GAS2L3: variants seen among roughly 807,000 people sequenced by gnomAD.
GAS2L3 encodes growth arrest specific 2 like 3, also known as GAS2-like protein 3.
Under a neutral mutation model 37.0 loss-of-function variants are expected in GAS2L3, and 28 were observed. That is an observed-to-expected ratio of 0.76 (90% CI 0.56 to 1.04). GAS2L3 has a LOEUF of 1.04. GAS2L3 is among the 50% of genes least tolerant of loss of function. The pLI, the probability that GAS2L3 is intolerant of heterozygous loss-of-function variation, is 0.00. For synonymous variants in GAS2L3, 290 were observed against 296.6 expected, an observed-to-expected ratio of 0.98 and a Z score of 0.23; for missense variants, 793 against 817.6, an observed-to-expected ratio of 0.97 and a Z score of 0.37.
At chr12:100,596,486 T>C (rs570644482) in intron 3 of GAS2L3, among the ~76,000 whole-genome samples, 92 of 152,168 alleles carry the variant, frequency 6.0e-4, no homozygotes, top group African/African-American at 2.1e-3. Context: ...GATTTTTTTT[T>C]CCAAGACTAT....
At position 100,625,182 on chromosome 12, in the gene GAS2L3, TAA is replaced by T. The variant is rs1275609717; in HGVS notation, c.*295_*296del. On this transcript the variant is annotated 3_prime_UTR_variant, in exon 10 of 10. Transcript: ENST00000547754. ...TAACATCTGCCTTTTGCAGGAAATG[TAA>T]AAGTTATTTAACACTACAAGAATTT... 1 of 231,228 alleles carries T rather than the reference TAA, an allele frequency of 4.3e-6. No individual in the cohort carries two copies. The highest frequency in any genetic ancestry group is 5.0e-5 in the Admixed American group (1 of 20,182). 14.3% of individuals were successfully genotyped at this position (231,228 alleles called of 1,614,324 possible). A position where few individuals can be genotyped will look rare whatever the true frequency, so the allele number is the denominator to read the frequency against.
intron 5 of GAS2L3, among the ~76,000 whole-genome samples, chr12:100,607,749 T>A (rs1355834652): frequency 6.6e-6 from 1 of 152,090 alleles, no homozygotes; most frequent in Non-Finnish European, 1.5e-5. Flanking sequence ...ATTTCTCAAC[T>A]CTAGAATTTC....
chr12:100,622,519 C>T (rs528996868), intron 9 of GAS2L3, 137 bp downstream of exon 9: 1 of 517,354 alleles, frequency 1.9e-6, no homozygotes, highest in South Asian at 2.6e-5. Flanking sequence ...TTTCACTGTA[C>T]AGGGAAAATG....
At chr12:100,576,656 A>G (rs993372029) in intron 1 of GAS2L3, among the ~76,000 whole-genome samples, 3 of 152,192 alleles carry the variant, frequency 2.0e-5, no homozygotes, top group African/African-American at 7.2e-5. Flanking sequence ...AGTAATGTTT[A>G]TGAGATACAG....
rs1238882767 is a variant in GAS2L3 at position 100,622,765 on chromosome 12, A to G, written c.756+383A>G. Among the ~76,000 whole-genome samples the G allele has an allele frequency of 3.5e-5, 5 of 141,890 alleles. No individual in the cohort carries two copies. In the East Asian group the frequency reaches 9.8e-4, roughly 28 times the overall value. 93.1% of individuals were successfully genotyped at this position (141,890 alleles called of 152,430 possible). ...TATCCATAGTAAAAAAAAAAAAAAA[A>G]AAAAAAAAAAAAAAAAAGAAAAGAA... On this transcript the variant is annotated intron_variant, in intron 9 of 9. Transcript: ENST00000547754.
At position 100,594,899 on chromosome 12, in the gene GAS2L3, G is replaced by T; in HGVS notation, c.-6G>T. The T allele has an allele frequency of 7.4e-7, 1 of 1,345,970 alleles. No homozygotes were observed. The highest frequency in any genetic ancestry group is 1.0e-6 in the Non-Finnish European group (1 of 992,008). 83.4% of individuals were successfully genotyped at this position (1,345,970 alleles called of 1,614,324 possible). ...GAAAAGAAATTTCATTTCAATATAG[G>T]TGACTATGCAGCCTGCAATTCAAGT... On this transcript the variant is annotated 5_prime_UTR_variant, in exon 3 of 10. Transcript: ENST00000547754.
In GAS2L3 at chr12:100,624,036, C is replaced by T; in HGVS notation, c.1231C>T (p.Pro411Ser). The change falls in exon 10 of 10, where the codon CCA becomes TCA. Residue 411 changes from proline (P) to serine (S), a missense_variant. Physicochemically the swap from Pro to Ser is moderately conservative, Grantham distance 74. Transcript: ENST00000547754. ...NASSSLASLN[P>S]VGKNTSSPAL... is the part of the protein sequence containing the mutation. ...ATCATCTTCACTTGCTTCATTAAAT[C>T]CAGTAGGTAAAAACACTTCTTCACC... 1 of 1,614,062 alleles carries T rather than the reference C, an allele frequency of 6.2e-7. No homozygotes were observed. The highest frequency in any genetic ancestry group is 1.3e-5 in the African/African-American group (1 of 75,002).
At chr12:100,593,149 C>T (rs1955866806) in intron 2 of GAS2L3, among the ~76,000 whole-genome samples, 2 of 152,030 alleles carry the variant, frequency 1.3e-5, no homozygotes, top group South Asian at 2.1e-4. Context: ...AAGACTGGCT[C>T]TTAGTATCTG....
intron 6 of GAS2L3, among the ~76,000 whole-genome samples, chr12:100,616,345 A>G (rs1273332264): frequency 2.0e-5 from 3 of 152,142 alleles, no homozygotes; most frequent in East Asian, 3.9e-4. Context: ...GAACTTGCTT[A>G]TTAGCTCTAA....
At chr12:100,587,328 T>A (rs1244138643) in intron 1 of GAS2L3, among the ~76,000 whole-genome samples, 2 of 152,132 alleles carry the variant, frequency 1.3e-5, no homozygotes, top group African/African-American at 2.4e-5. Flanking sequence ...AAAATCTTTG[T>A]AATTGACAAA....
chr12:100,605,582 GTTAT>G (rs1489287173), intron 5 of GAS2L3, among the ~76,000 whole-genome samples: 4 of 151,528 alleles, frequency 2.6e-5, no homozygotes, highest in Non-Finnish European at 4.4e-5. Context: ...GCATTGTTAG[GTTAT>G]TTATTTTATG....
In GAS2L3 at chr12:100,601,705, T is replaced by A. The variant is rs146542804; in HGVS notation, c.255T>A (p.Ile85=). Residue 85 remains isoleucine (I), a synonymous_variant, in exon 5 of 10, where the codon ATT becomes ATA. Coordinates refer to ENST00000547754, the MANE Select transcript of GAS2L3 (RefSeq NM_174942.3). ...ATGGAGTACTATTATGTCAACTGAT[T>A]GATGTTCTTCAAAACATGGTGAAAA... is the stretch of plus-strand genomic sequence containing the variant. ...LDNGVLLCQL[I]DVLQNMVKTC... 25 of 1,605,578 alleles carry A rather than the reference T, an allele frequency of 1.6e-5. No individual in the cohort carries two copies. The Middle Eastern group carries it at 1.5e-3, about 96-fold the overall frequency.
intron 6 of GAS2L3, among the ~76,000 whole-genome samples, chr12:100,616,964 G>T (rs1296993496): frequency 6.6e-6 from 1 of 151,040 alleles, no homozygotes; most frequent in Non-Finnish European, 1.5e-5. Context: ...TTTCCTAGAT[G>T]CCCTTTTATC....
rs568647396 is a variant in GAS2L3, at chr12:100,614,243, C to T, written c.445+2102C>T. Reference sequence around the variant, plus strand: ...CTTTGGGAGGCTGAGGCAGGTGGATCACCTGAGGTCAGGAGTTTGAGACCA... The same window carrying T: ...CTTTGGGAGGCTGAGGCAGGTGGATTACCTGAGGTCAGGAGTTTGAGACCA... On this transcript the variant is annotated intron_variant, in intron 6 of 9. Coordinates refer to ENST00000547754, the MANE Select transcript of GAS2L3 (RefSeq NM_174942.3). Among the ~76,000 whole-genome samples, 7 of 152,146 alleles carry T rather than the reference C, an allele frequency of 4.6e-5. No homozygotes were observed. In the East Asian group the frequency reaches 1.2e-3, roughly 25 times the overall value.
rs146799727 is a variant in GAS2L3 at position 100,624,127 on chromosome 12, C to A, written c.1322C>A (p.Thr441Asn). The A allele has an allele frequency of 1.6e-4, 258 of 1,613,730 alleles. No homozygotes were observed. Among genetic ancestry groups the A allele is most frequent in the Non-Finnish European group, 2.0e-4 (236 of 1,179,938 alleles). The change falls in exon 10 of 10, where the codon ACC (threonine) becomes AAC (asparagine). Residue 441 changes from threonine (T) to asparagine (N), a missense_variant. Physicochemically the swap from Thr to Asn is moderately conservative, Grantham distance 65. Transcript: ENST00000547754. ...AGAAAATGTATTTCATCCCCCAATA[C>A]CCCCAAGGCCAAGGTTATTCCAGCC... ...SPRKCISSPN[T>N]PKAKVIPAQN...
At chr12:100,577,941 C>T (rs1222386780) in intron 1 of GAS2L3, among the ~76,000 whole-genome samples, 4 of 152,172 alleles carry the variant, frequency 2.6e-5, no homozygotes, top group Non-Finnish European at 1.5e-5. Flanking sequence ...AGAGACAGGG[C>T]TGGTGAGGAT....
At position 100,602,036 on chromosome 12, in the gene GAS2L3, A is replaced by T. The variant is rs139193355; in HGVS notation, c.303+283A>T. Among the ~76,000 whole-genome samples the T allele has an allele frequency of 1.4e-4, 21 of 152,254 alleles. No individual in the cohort carries two copies. In the East Asian group the frequency reaches 3.9e-3, roughly 28 times the overall value. On this transcript the variant is annotated intron_variant, in intron 5 of 9. Transcript: ENST00000547754. ...TATTTGTGAGAGTTCAATCAAATTA[A>T]ATGGGTGAATGTATAGATAGTGTCT...
At chr12:100,616,710 A>AGGATTATAGGTGTG (rs1456383893) in intron 6 of GAS2L3, among the ~76,000 whole-genome samples, 1 of 152,052 alleles carries the variant, frequency 6.6e-6, no homozygotes, top group African/African-American at 2.4e-5. Flanking sequence ...CAGTCTCCCA[A>AGGATTATAGGTGTG]AGTGCTAGGA....
Position 100,613,886 on chromosome 12 carries a change from G to A in GAS2L3, c.445+1745G>A, listed in dbSNP as rs562632934. On this transcript the variant is annotated intron_variant, in intron 6 of 9. Transcript: ENST00000547754. ...TGGGATTACAGGCATGAGCCACCAC[G>A]CCAGGCCAACAATTACTATTTCTAT... Among the ~76,000 whole-genome samples the A allele has an allele frequency of 4.4e-4, 67 of 152,094 alleles. 1 individual carries two copies. The highest frequency in any genetic ancestry group is 5.2e-4 in the Admixed American group (8 of 15,280).
Sources: gnomAD v4.1 joint callset for allele counts (sites outside exome capture counted in the v4.1 genomes callset) on GRCh38, gnomAD v4.1.1 for gene constraint, MANE v1.5 for transcripts, NCBI Gene and HGNC (gene_info 2026-07-23, HGNC 2026-07-21) for gene names.